HHIP: variants seen among roughly 807,000 people sequenced by gnomAD.
HHIP encodes the protein hedgehog interacting protein, also known as hedgehog-interacting protein.
Under a neutral mutation model 74.0 loss-of-function variants are expected in HHIP, and 12 were observed. The observed-to-expected ratio is 0.16, with a 90% CI of 0.10 to 0.26. The LOEUF (loss-of-function observed/expected upper bound fraction) is 0.26. HHIP is among the 10% of genes least tolerant of loss of function. The probability of loss-of-function intolerance (pLI) is 1.00; values close to 1 mark genes in which losing one functional copy is unlikely to be tolerated. For missense variants in HHIP, 788 were observed against 845.0 expected, an observed-to-expected ratio of 0.93 and a Z score of 0.84; for synonymous variants, 309 against 311.6, an observed-to-expected ratio of 0.99 and a Z score of 0.09.
intron 4 of HHIP, among the ~76,000 whole-genome samples, chr4:144,703,800 C>A (rs761714758): frequency 6.6e-6 from 1 of 152,180 alleles, no homozygotes; most frequent in Non-Finnish European, 1.5e-5. Context: ...CTGAAGCAAC[C>A]TTAAATATCT....
At position 144,742,905 on chromosome 4, in the gene HHIP, ATATATATCTTATATATATATCTT is replaced by A. The variant is rs1560729000; in HGVS notation, c.*4956_*4978del. 6 of 112,690 alleles carry A rather than the reference ATATATATCTTATATATATATCTT, an allele frequency of 5.3e-5. No homozygotes were observed. The highest frequency in any genetic ancestry group is 2.4e-4 in the East Asian group (1 of 4,112). 7.0% of individuals were successfully genotyped at this position (112,690 alleles called of 1,614,324 possible). On this transcript the variant is annotated 3_prime_UTR_variant, in exon 13 of 13. Coordinates refer to ENST00000296575, the MANE Select transcript of HHIP (RefSeq NM_022475.3). ...ATATATCTTATATATATATCTTTTT[ATATATATCTTATATATATATCTT>A]TATATATATCTTATATATATATCTT... is the stretch of plus-strand genomic sequence containing the variant.
In HHIP at chr4:144,646,652, AGCCCCTGCTGCTCTG is replaced by A; in HGVS notation, c.-22_-8del. On this transcript the variant is annotated 5_prime_UTR_variant, in exon 1 of 13. Transcript: ENST00000296575. ...CGTTCCCCCCCATCCTCCCGCGCCC[AGCCCCTGCTGCTCTG>A]GGCAGACGATGCTGAAGATGCTCTC... 6.2e-7 allele frequency: 1 copy of A among 1,605,430 alleles called. No individual in the cohort carries two copies. Among genetic ancestry groups the A allele is most frequent in the African/African-American group, 1.3e-5 (1 of 74,760 alleles).
Position 144,659,724 on chromosome 4 carries a change from G to A in HHIP, c.717G>A (p.Ser239=), listed in dbSNP as rs200026250. 1.9e-5 allele frequency: 30 copies of A among 1,610,010 alleles called. No homozygotes were observed. The highest frequency in any genetic ancestry group is 4.5e-5 in the East Asian group (2 of 44,824). Residue 239 remains serine, a synonymous_variant, in exon 4 of 13, where the codon TCG becomes TCA. Coordinates refer to ENST00000296575, the MANE Select transcript of HHIP (RefSeq NM_022475.3). ...GTGCCCTGCATAGTGGGGATGGCTC[G>A]CAACGTCTCTTCATTCTGGAAAAAG... is the stretch of plus-strand genomic sequence containing the variant. ...PVGALHSGDG[S]QRLFILEKEG...
At chr4:144,719,745 C>T (rs1259909133) in intron 11 of HHIP, among the ~76,000 whole-genome samples, 2 of 152,262 alleles carry the variant, frequency 1.3e-5, no homozygotes, top group South Asian at 4.1e-4. Flanking sequence ...CTCACAGACA[C>T]GACTGTTGTT....
intron 2 of HHIP, among the ~76,000 whole-genome samples, 182 bp downstream of exon 2, chr4:144,652,979 AT>A (rs1227627132): frequency 6.6e-6 from 1 of 152,142 alleles, no homozygotes; most frequent in Non-Finnish European, 1.5e-5. Context: ...GAATATTGTA[AT>A]TTCAGTCTGC....
rs564005414 is a variant in HHIP, at chr4:144,707,359, G to A, written c.1157+99G>A. 44 of 951,038 alleles carry A rather than the reference G, an allele frequency of 4.6e-5. No homozygotes were observed. In the East Asian group the frequency reaches 9.8e-4, roughly 21 times the overall value. 58.9% of individuals were successfully genotyped at this position (951,038 alleles called of 1,614,324 possible). A position where few individuals can be genotyped will look rare whatever the true frequency, so the allele number is the denominator to read the frequency against. On this transcript the variant is annotated intron_variant, in intron 6 of 12. Coordinates refer to ENST00000296575, the MANE Select transcript of HHIP (RefSeq NM_022475.3). ...AGTGAATTAAGAACCATCTTTGAATGGTCACCTTGGTTAAATACTTAACTT... is the reference window on the plus strand; with the variant it reads ...AGTGAATTAAGAACCATCTTTGAATAGTCACCTTGGTTAAATACTTAACTT...
In HHIP at chr4:144,694,518, A is replaced by G. The variant is rs115546312; in HGVS notation, c.832-12013A>G. On this transcript the variant is annotated intron_variant, in intron 4 of 12. Transcript: ENST00000296575. ...GTTATATTTCTATATAATGACGTGA[A>G]GATAATGCTTTTAGCTGCATGACCA... Among the ~76,000 whole-genome samples, 586 of 151,998 alleles carry G rather than the reference A, an allele frequency of 3.9e-3. 5 individuals are homozygous for G. The highest frequency in any genetic ancestry group is 0.014 in the African/African-American group (574 of 41,546).
intron 4 of HHIP, among the ~76,000 whole-genome samples, chr4:144,702,315 G>GTCTGA (rs759975225): frequency 8.5e-5 from 13 of 152,058 alleles, no homozygotes; most frequent in Non-Finnish European, 1.9e-4. Flanking sequence ...GCAACACTAG[G>GTCTGA]TCTGATCTTG....
At position 144,738,095 on chromosome 4, in the gene HHIP, T is replaced by G; in HGVS notation, c.*138T>G. On this transcript the variant is annotated 3_prime_UTR_variant, in exon 13 of 13. Transcript: ENST00000296575. ...TTAATTTAAAAATAATTTCCAGAAATGTGCAGATCCTCTGTGTGTATGTCA... is the reference window on the plus strand; with the variant it reads ...TTAATTTAAAAATAATTTCCAGAAAGGTGCAGATCCTCTGTGTGTATGTCA... 1 of 1,354,334 alleles carries G rather than the reference T, an allele frequency of 7.4e-7. No homozygotes were observed. Among genetic ancestry groups the G allele is most frequent in the South Asian group, 2.0e-5 (1 of 49,068 alleles). 83.9% of individuals were successfully genotyped at this position (1,354,334 alleles called of 1,614,324 possible). A position where few individuals can be genotyped will look rare whatever the true frequency, so the allele number is the denominator to read the frequency against.
chr4:144,653,738 C>T lies in HHIP; in HGVS notation c.472+941C>T, dbSNP rs1373164967. ...ATGTACATTTTACTTTTTTCTCTGACCCAGGAAAGTGTAGACTTTTGTATT... is the reference window on the plus strand; with the variant it reads ...ATGTACATTTTACTTTTTTCTCTGATCCAGGAAAGTGTAGACTTTTGTATT... On this transcript the variant is annotated intron_variant, in intron 2 of 12. Transcript: ENST00000296575. 5.3e-5 allele frequency among the ~76,000 whole-genome samples: 8 copies of T among 152,054 alleles called. No individual in the cohort carries two copies. The East Asian group carries it at 1.5e-3, about 29-fold the overall frequency.
chr4:144,666,018 G>A (rs1002189198), intron 4 of HHIP, among the ~76,000 whole-genome samples: 11 of 152,112 alleles, frequency 7.2e-5, no homozygotes, highest in African/African-American at 1.9e-4. Flanking sequence ...GAAAACGTCT[G>A]CCGTCTTTAA....
intron 1 of HHIP, chr4:144,648,275 T>C (rs1209758726): frequency 6.6e-6 from 1 of 152,108 alleles, no homozygotes; most frequent in African/African-American, 2.4e-5. Flanking sequence ...AACAACACCA[T>C]TGTATTTGTT....
At chr4:144,662,910 T>C (rs1239714935) in intron 4 of HHIP, among the ~76,000 whole-genome samples, 1 of 152,182 alleles carries the variant, frequency 6.6e-6, no homozygotes, top group African/African-American at 2.4e-5. Flanking sequence ...CTATCTAAAG[T>C]CCTTGGCAAT....
At chr4:144,673,882 T>G (rs777146610) in intron 4 of HHIP, among the ~76,000 whole-genome samples, 1 of 152,204 alleles carries the variant, frequency 6.6e-6, no homozygotes, top group East Asian at 1.9e-4. Flanking sequence ...TCAGGCTGTA[T>G]GTTAAGCTGG....
At chr4:144,651,959 T>A (rs1053789371) in intron 1 of HHIP, among the ~76,000 whole-genome samples, 5 of 152,178 alleles carry the variant, frequency 3.3e-5, no homozygotes, top group Admixed American at 2.6e-4. Flanking sequence ...GTTAAAAAAT[T>A]TTTCCTGGCT....
chr4:144,673,299 A>T (rs532246884), intron 4 of HHIP, among the ~76,000 whole-genome samples: 1 of 152,338 alleles, frequency 6.6e-6, no homozygotes, highest in South Asian at 2.1e-4. Context: ...GGTGTTTCCA[A>T]AATTTATACC....
intron 11 of HHIP, among the ~76,000 whole-genome samples, chr4:144,728,272 G>A (rs1730853432): frequency 6.6e-6 from 1 of 152,168 alleles, no homozygotes; most frequent in South Asian, 2.1e-4. Context: ...TAGTGAGCAA[G>A]TGAGTTCAAC....
chr4:144,728,081 C>A (rs1007316237), intron 11 of HHIP, among the ~76,000 whole-genome samples: 1 of 152,176 alleles, frequency 6.6e-6, no homozygotes, highest in Non-Finnish European at 1.5e-5. Flanking sequence ...ATGGTTGCAT[C>A]TTTAACCACA....
At chr4:144,734,311 T>G (rs992286811) in intron 11 of HHIP, among the ~76,000 whole-genome samples, 1 of 152,024 alleles carries the variant, frequency 6.6e-6, no homozygotes, top group Admixed American at 6.5e-5. Flanking sequence ...CCTGTACTAC[T>G]GCCAACTGTG....
Sources: allele counts gnomAD v4.1 joint callset (sites outside exome capture counted in the v4.1 genomes callset), GRCh38; gene constraint gnomAD v4.1.1; transcripts MANE v1.5; gene names NCBI Gene and HGNC (gene_info 2026-07-23, HGNC 2026-07-21).